The following GXYLT1 variants were observed in gnomAD, a reference collection of about 807,000 sequenced individuals.
The protein encoded by GXYLT1 is glucoside xylosyltransferase 1.
A neutral mutation model predicts 54.0 loss-of-function variants in GXYLT1; 29 were observed. That is an observed-to-expected ratio of 0.54 (90% CI 0.40 to 0.73). The LOEUF is 0.73. Ranked by LOEUF, GXYLT1 falls within the 30% of genes least tolerant of loss-of-function variation. GXYLT1 has a pLI of 0.00. For missense variants in GXYLT1, 490 were observed against 553.4 expected (o/e 0.89, Z 1.15); for synonymous variants, 176 against 204.1 (o/e 0.86, Z 1.17).
At chr12:42,112,217 A>C (rs546057765) in intron 3 of GXYLT1, among the ~76,000 whole-genome samples, 1 of 152,214 alleles carries the variant, frequency 6.6e-6, no homozygotes, top group African/African-American at 2.4e-5. Context: ...GAAAAACTGG[A>C]AACTCTAAAA....
At chr12:42,112,186 G>C (rs993373472) in intron 3 of GXYLT1, among the ~76,000 whole-genome samples, 6 of 152,106 alleles carry the variant, frequency 3.9e-5, no homozygotes, top group South Asian at 2.1e-4. Context: ...AAACCACAAA[G>C]ATGGGGAAAA....
chr12:42,087,586 A>G lies in GXYLT1; in HGVS notation c.*200T>C, dbSNP rs1331731336. On this transcript the variant is annotated 3_prime_UTR_variant, in exon 8 of 8. Coordinates refer to ENST00000398675, the MANE Select transcript of GXYLT1 (RefSeq NM_173601.2). ...AGTAACATTACAAAACATCAGAGAT[A>G]AAAAATGTTCAATGTTGAGGCCCAA... 2.0e-6 allele frequency: 1 copy of G among 489,786 alleles called. No individual in the cohort carries two copies. The highest frequency in any genetic ancestry group is 3.6e-6 in the Non-Finnish European group (1 of 279,296). The allele number at this position is 489,786 out of a possible 1,614,324, so 30.3% of individuals were successfully genotyped here.
At chr12:42,115,054 G>A (rs1371437150) in intron 3 of GXYLT1, among the ~76,000 whole-genome samples, 2 of 152,206 alleles carry the variant, frequency 1.3e-5, no homozygotes, top group Admixed American at 1.3e-4. Flanking sequence ...AATAGATGCA[G>A]AAAAGGCTTT....
At chr12:42,130,804 G>A (rs1592124824) in intron 1 of GXYLT1, among the ~76,000 whole-genome samples, 1 of 152,074 alleles carries the variant, frequency 6.6e-6, no homozygotes, top group Non-Finnish European at 1.5e-5. Context: ...AAAATTAGCT[G>A]GACATGGTGG....
At chr12:42,095,719 T>C (rs1168940309) in intron 7 of GXYLT1, among the ~76,000 whole-genome samples, 1 of 111,972 alleles carries the variant, frequency 8.9e-6, no homozygotes, top group Admixed American at 8.7e-5. Context: ...AATATCCCCC[T>C]ATCAAAAAAT....
At chr12:42,110,393 G>A (rs934667093) in intron 3 of GXYLT1, among the ~76,000 whole-genome samples, 11 of 152,198 alleles carry the variant, frequency 7.2e-5, no homozygotes, top group Middle Eastern at 3.4e-3. Context: ...ATCTATGGGG[G>A]GGAAAAAACT....
chr12:42,121,656 GAA>G (rs71434385), intron 2 of GXYLT1, among the ~76,000 whole-genome samples: 17 of 144,792 alleles, frequency 1.2e-4, no homozygotes, highest in East Asian at 4.0e-4. Flanking sequence ...GTTTCTCAAG[GAA>G]AAAAAAAAAA....
intron 4 of GXYLT1, 38 bp from the exon 5 acceptor site, chr12:42,106,107 TA>T: frequency 6.8e-7 from 1 of 1,464,304 alleles, no homozygotes; most frequent in Non-Finnish European, 9.4e-7. Context: ...ACTATAATTC[TA>T]TTTTAAAAAG....
rs750671452 is a variant in GXYLT1, at chr12:42,087,965, T to TA, written c.1162-19dup. On this transcript the variant is annotated intron_variant, in intron 7 of 7. Coordinates refer to ENST00000398675, the MANE Select transcript of GXYLT1 (RefSeq NM_173601.2). ...AAAGAACACTAGAGAAAGAAAATTTTAAAAAATAAAAAATTTAAAAGGCAA... is the reference window on the plus strand; with the variant it reads ...AAAGAACACTAGAGAAAGAAAATTTTAAAAAAATAAAAAATTTAAAAGGCAA... 5.2e-6 allele frequency: 7 copies of TA among 1,350,474 alleles called. No individual in the cohort carries two copies. In the South Asian group the frequency reaches 7.1e-5, roughly 14 times the overall value. 83.7% of individuals were successfully genotyped at this position (1,350,474 alleles called of 1,614,324 possible). A position where few individuals can be genotyped will look rare whatever the true frequency, so the allele number is the denominator to read the frequency against.
At position 42,144,711 on chromosome 12, in the gene GXYLT1, G is replaced by T. The variant is rs1487662908; in HGVS notation, c.-65C>A. On this transcript the variant is annotated 5_prime_UTR_variant, in exon 1 of 8. Coordinates refer to ENST00000398675, the MANE Select transcript of GXYLT1 (RefSeq NM_173601.2). ...CCGCCCCGACGAACTGGAGCGGAGG[G>T]AGGGGCACCGCGCAGCCGCGGGCGC... 3.2e-6 allele frequency: 4 copies of T among 1,232,048 alleles called. No individual in the cohort carries two copies. Among genetic ancestry groups the T allele is most frequent in the Admixed American group, 7.8e-5 (2 of 25,708 alleles). The allele number at this position is 1,232,048 out of a possible 1,614,324, so 76.3% of individuals were successfully genotyped here.
chr12:42,118,261 C>A (rs768679549), intron 3 of GXYLT1, among the ~76,000 whole-genome samples: 1 of 152,152 alleles, frequency 6.6e-6, no homozygotes, highest in Non-Finnish European at 1.5e-5. Flanking sequence ...ATCAAGAATT[C>A]TCTCCTCTCA....
chr12:42,126,517 G>A (rs571316596), intron 2 of GXYLT1, among the ~76,000 whole-genome samples: 9 of 152,326 alleles, frequency 5.9e-5, no homozygotes, highest in African/African-American at 2.2e-4. Flanking sequence ...CACTTTGAGA[G>A]GCAATGGAAT....
At chr12:42,135,238 TTTAG>T (rs2065613173) in intron 1 of GXYLT1, among the ~76,000 whole-genome samples, 1 of 152,252 alleles carries the variant, frequency 6.6e-6, no homozygotes, top group Non-Finnish European at 1.5e-5. Context: ...GGATTGCTCC[TTTAG>T]CTTGGATCCC....
intron 3 of GXYLT1, among the ~76,000 whole-genome samples, chr12:42,111,921 T>C (rs1565572628): frequency 6.6e-6 from 1 of 152,184 alleles, no homozygotes; most frequent in Non-Finnish European, 1.5e-5. Context: ...CACAGCCAGG[T>C]ACTCCTCTGA....
At chr12:42,089,816 G>A (rs1169597267) in intron 7 of GXYLT1, among the ~76,000 whole-genome samples, 1 of 152,302 alleles carries the variant, frequency 6.6e-6, no homozygotes, top group Admixed American at 6.5e-5. Context: ...ACACAAATTT[G>A]TTTGGGGTTA....
chr12:42,098,060 T>G (rs780998149), intron 5 of GXYLT1, 27 bp from the exon 6 acceptor site: 1 of 1,603,880 alleles, frequency 6.2e-7, no homozygotes, highest in Non-Finnish European at 8.5e-7. Context: ...TCAAAAGAGC[T>G]TCAGACTTTC....
intron 1 of GXYLT1, among the ~76,000 whole-genome samples, chr12:42,137,762 G>GAAAAA (rs56387868): frequency 0.056 from 6,038 of 107,110 alleles, 693 homozygotes; most frequent in African/African-American, 0.15. Flanking sequence ...ATCTCAAATT[G>GAAAAA]AAAAAAAAAA....
chr12:42,139,781 T>C (rs566608138), intron 1 of GXYLT1, among the ~76,000 whole-genome samples: 8 of 152,230 alleles, frequency 5.3e-5, no homozygotes, highest in Non-Finnish European at 2.9e-5. Context: ...TTATGTAAGA[T>C]GTTTTTGCAA....
chr12:42,123,128 T>C (rs1341687903), intron 2 of GXYLT1, among the ~76,000 whole-genome samples: 1 of 152,220 alleles, frequency 6.6e-6, no homozygotes, highest in East Asian at 1.9e-4. Context: ...GGAGACTAAC[T>C]CAACCTGAGT....
Sources: gnomAD v4.1 joint callset for allele counts (sites outside exome capture counted in the v4.1 genomes callset) on GRCh38, gnomAD v4.1.1 for gene constraint, MANE v1.5 for transcripts, NCBI Gene and HGNC (gene_info 2026-07-23, HGNC 2026-07-21) for gene names.